CBFB: variants seen among roughly 807,000 people sequenced by gnomAD.
The protein encoded by CBFB is core-binding factor subunit beta.
A neutral mutation model predicts 30.4 loss-of-function variants in CBFB; 9 were observed. The observed-to-expected ratio is 0.30, with a 90% CI of 0.18 to 0.52. The LOEUF is 0.52. CBFB is among the 20% of genes least tolerant of loss of function. The pLI is 0.97. For synonymous variants in CBFB, 94 were observed against 84.0 expected (o/e 1.12, Z -0.65); for missense variants, 170 against 244.0 (o/e 0.70, Z 2.02).
chr16:67,041,969 G>A (rs568841979), intron 3 of CBFB, among the ~76,000 whole-genome samples: 2 of 149,228 alleles, frequency 1.3e-5, no homozygotes, highest in African/African-American at 2.5e-5. Context: ...GTACAGTGGC[G>A]CCGTCATGGC....
At chr16:67,084,180 A>AT in intron 5 of CBFB, among the ~76,000 whole-genome samples, 1 of 151,116 alleles carries the variant, frequency 6.6e-6, no homozygotes, top group East Asian at 1.9e-4. Context: ...AAAAAAAAAA[A>AT]AAAAAAAAAG....
chr16:67,068,678 T>C (rs1424955396), intron 4 of CBFB, among the ~76,000 whole-genome samples: 17 of 152,142 alleles, frequency 1.1e-4, no homozygotes, highest in Admixed American at 1.1e-3. Context: ...AGTTATGAGA[T>C]ATGCAACTAT....
At chr16:67,081,550 C>G (rs1230557796) in intron 4 of CBFB, among the ~76,000 whole-genome samples, 2 of 151,912 alleles carry the variant, frequency 1.3e-5, no homozygotes, top group Non-Finnish European at 2.9e-5. Context: ...ACCTGTAATC[C>G]CAGCACTTTG....
chr16:67,082,143 A>C lies in CBFB; in HGVS notation c.400-70A>C, dbSNP rs1489907485. ...CACTGTTTCAGGAAAAAAAAAAAAAAAACAAAACCCAAATATTGTATTTTT... is the reference window on the plus strand; with the variant it reads ...CACTGTTTCAGGAAAAAAAAAAAAACAACAAAACCCAAATATTGTATTTTT... On this transcript the variant is annotated intron_variant, in intron 4 of 5. Transcript: ENST00000412916. The C allele has an allele frequency of 2.7e-5, 36 of 1,327,846 alleles. No homozygotes were observed. In the East Asian group the frequency reaches 4.7e-4, roughly 17 times the overall value. 82.3% of individuals were successfully genotyped at this position (1,327,846 alleles called of 1,614,324 possible). A position where few individuals can be genotyped will look rare whatever the true frequency, so the allele number is the denominator to read the frequency against.
At chr16:67,056,193 T>C (rs1224461515) in intron 3 of CBFB, among the ~76,000 whole-genome samples, 6 of 152,228 alleles carry the variant, frequency 3.9e-5, no homozygotes, top group African/African-American at 1.4e-4. Flanking sequence ...ACAAGCATAA[T>C]GTTAAAGTGC....
intron 3 of CBFB, among the ~76,000 whole-genome samples, chr16:67,053,075 C>A (rs1294068206): frequency 1.3e-5 from 2 of 151,478 alleles, no homozygotes; most frequent in Non-Finnish European, 2.9e-5. Flanking sequence ...CGTCTCCCCC[C>A]ACAAAATAAT....
At chr16:67,071,438 G>T (rs1372714430) in intron 4 of CBFB, among the ~76,000 whole-genome samples, 1 of 152,122 alleles carries the variant, frequency 6.6e-6, no homozygotes, top group South Asian at 2.1e-4. Flanking sequence ...TCTCTCTGCC[G>T]TATGAGGACA....
At chr16:67,082,419 T>C in intron 5 of CBFB, 111 bp downstream of exon 5, 3 of 1,351,594 alleles carry the variant, frequency 2.2e-6, no homozygotes, top group Non-Finnish European at 3.0e-6. Context: ...ATTTTGTCTT[T>C]CATTTTTAAA....
chr16:67,096,956 G>A (rs933738743), intron 5 of CBFB, among the ~76,000 whole-genome samples: 5 of 151,244 alleles, frequency 3.3e-5, no homozygotes, highest in South Asian at 2.1e-4. Context: ...CATCTGAGTC[G>A]TACATGGTGG....
At chr16:67,079,218 A>C (rs1165331983) in intron 4 of CBFB, among the ~76,000 whole-genome samples, 2 of 152,198 alleles carry the variant, frequency 1.3e-5, no homozygotes, top group African/African-American at 4.8e-5. Context: ...TCTTTACAAC[A>C]ATCTTGTTAT....
Position 67,060,705 on chromosome 16 carries a change from G to GCCA in CBFB, c.283-5972_283-5970dup, listed in dbSNP as rs1228363189. Among the ~76,000 whole-genome samples, 4 of 152,212 alleles carry GCCA rather than the reference G, an allele frequency of 2.6e-5. No homozygotes were observed. The East Asian group carries it at 7.7e-4, about 29-fold the overall frequency. ...CGAGTAGCTGGGGTTACAGGCATGTGCCACCACGCCCAGCTAATTTTGTAT... is the reference window on the plus strand; with the variant it reads ...CGAGTAGCTGGGGTTACAGGCATGTGCCACCACCACGCCCAGCTAATTTTGTAT... On this transcript the variant is annotated intron_variant, in intron 3 of 5. Transcript: ENST00000412916.
intron 3 of CBFB, among the ~76,000 whole-genome samples, chr16:67,042,012 A>G (rs2145720332): frequency 6.6e-6 from 1 of 150,518 alleles, no homozygotes; most frequent in African/African-American, 2.4e-5. Context: ...AGCTCAGGTG[A>G]TCTTCCCACC....
At chr16:67,082,538 C>A (rs1157221960) in intron 5 of CBFB, among the ~76,000 whole-genome samples, 1 of 152,160 alleles carries the variant, frequency 6.6e-6, no homozygotes, top group Non-Finnish European at 1.5e-5. Flanking sequence ...TCATAAAAAT[C>A]ATTTACTATA....
chr16:67,080,545 C>T (rs1014934832), intron 4 of CBFB, among the ~76,000 whole-genome samples: 2 of 152,100 alleles, frequency 1.3e-5, no homozygotes, highest in African/African-American at 2.4e-5. Flanking sequence ...AGTTGGTTAC[C>T]TTTTTAGATG....
At chr16:67,084,776 T>TGTGC (rs1487629112) in intron 5 of CBFB, among the ~76,000 whole-genome samples, 1 of 152,176 alleles carries the variant, frequency 6.6e-6, no homozygotes, top group African/African-American at 2.4e-5. Context: ...TGTGTGTGTG[T>TGTGC]GTGCGTGCAT....
chr16:67,055,357 CTTTTTTTTTTTT>C (rs1163773529), intron 3 of CBFB, among the ~76,000 whole-genome samples: 9 of 81,474 alleles, frequency 1.1e-4, no homozygotes, highest in Admixed American at 3.7e-4. Flanking sequence ...CAGACACTTT[CTTTTTTTTTTTT>C]TTTTTTTTTT....
chr16:67,031,981 C>A (rs949361322), intron 2 of CBFB, among the ~76,000 whole-genome samples: 2 of 152,120 alleles, frequency 1.3e-5, no homozygotes, highest in African/African-American at 2.4e-5. Context: ...TCGGCGTCAC[C>A]ATACGCAGCC....
chr16:67,048,806 G>A (rs1484700498), intron 3 of CBFB, among the ~76,000 whole-genome samples: 1 of 143,792 alleles, frequency 7.0e-6, no homozygotes, highest in Non-Finnish European at 1.5e-5. Context: ...ACCGTGTCTA[G>A]CCTTTTTTTT....
At chr16:67,037,722 C>T (rs1460676861) in intron 3 of CBFB, among the ~76,000 whole-genome samples, 3 of 144,252 alleles carry the variant, frequency 2.1e-5, no homozygotes, top group Non-Finnish European at 4.5e-5. Flanking sequence ...GGCTGGAGTG[C>T]AGTGGTGTGA....
Sources: gnomAD v4.1 joint callset for allele counts (sites outside exome capture counted in the v4.1 genomes callset) on GRCh38, gnomAD v4.1.1 for gene constraint, MANE v1.5 for transcripts, NCBI Gene and HGNC (gene_info 2026-07-23, HGNC 2026-07-21) for gene names.